CTNNA2: variants seen among roughly 807,000 people sequenced by gnomAD.
CTNNA2 encodes catenin alpha-2.
Under a neutral mutation model 101.0 loss-of-function variants are expected in CTNNA2, and 42 were observed. The observed-to-expected ratio is 0.42, with a 90% CI of 0.32 to 0.54. The LOEUF (loss-of-function observed/expected upper bound fraction) is 0.54. CTNNA2 is among the 20% of genes least tolerant of loss of function. CTNNA2 has a pLI of 0.14. For synonymous variants in CTNNA2, 450 were observed against 456.4 expected, an observed-to-expected ratio of 0.99 and a Z score of 0.18; for missense variants, 871 against 1,223.1, an observed-to-expected ratio of 0.71 and a Z score of 4.29.
intron 1 of CTNNA2, among the ~76,000 whole-genome samples, chr2:79,560,064 C>CTTTGTGCATT (rs768797247): frequency 6.7e-5 from 10 of 149,494 alleles, no homozygotes; most frequent in Non-Finnish European, 1.2e-4. Context: ...GCATTAGAAA[C>CTTTGTGCATT]AGAACAGGGA....
intron 9 of CTNNA2, among the ~76,000 whole-genome samples, chr2:80,529,835 G>A (rs776715556): frequency 6.6e-6 from 1 of 152,146 alleles, no homozygotes; most frequent in Non-Finnish European, 1.5e-5. Context: ...GATTCAGCGA[G>A]GGGGGTAAAA....
At chr2:79,656,423 C>T (rs941637856) in intron 2 of CTNNA2, among the ~76,000 whole-genome samples, 2 of 152,014 alleles carry the variant, frequency 1.3e-5, no homozygotes, top group Non-Finnish European at 2.9e-5. Context: ...ACAGTTTGCT[C>T]ATAGCTATCC....
intron 9 of CTNNA2, among the ~76,000 whole-genome samples, chr2:80,458,792 T>C (rs944326140): frequency 3.9e-5 from 6 of 152,150 alleles, no homozygotes; most frequent in Non-Finnish European, 7.3e-5. Context: ...ATTATTAACT[T>C]ATAGAGACTT....
At chr2:80,582,056 T>TGTTG (rs1695588879) in intron 14 of CTNNA2, among the ~76,000 whole-genome samples, 1 of 152,116 alleles carries the variant, frequency 6.6e-6, no homozygotes, top group Non-Finnish European at 1.5e-5. Flanking sequence ...AGCAACCACA[T>TGTTG]CACAGCAAGC....
At chr2:79,712,486 A>G (rs1685803568) in intron 2 of CTNNA2, among the ~76,000 whole-genome samples, 1 of 152,196 alleles carries the variant, frequency 6.6e-6, no homozygotes, top group African/African-American at 2.4e-5. Flanking sequence ...TAGCTGTAAC[A>G]TCCTACATCA....
chr2:80,434,890 C>T (rs936143237), intron 9 of CTNNA2, among the ~76,000 whole-genome samples: 2 of 152,086 alleles, frequency 1.3e-5, no homozygotes, highest in Non-Finnish European at 2.9e-5. Context: ...ACTGGCCCGG[C>T]CTCATTTCCT....
chr2:80,477,197 A>C (rs1559141560), intron 9 of CTNNA2, among the ~76,000 whole-genome samples: 2 of 152,210 alleles, frequency 1.3e-5, no homozygotes, highest in African/African-American at 4.8e-5. Flanking sequence ...GCACACATAC[A>C]TACACAGAAG....
At chr2:79,282,032 A>T (rs1421444381) in intron 2 of CTNNA2, among the ~76,000 whole-genome samples, 1 of 152,142 alleles carries the variant, frequency 6.6e-6, no homozygotes, top group Non-Finnish European at 1.5e-5. Flanking sequence ...GTTATCTTTT[A>T]TAGTGCTTTG....
At chr2:80,096,641 A>G (rs1700171324) in intron 7 of CTNNA2, among the ~76,000 whole-genome samples, 1 of 152,118 alleles carries the variant, frequency 6.6e-6, no homozygotes, top group Admixed American at 6.6e-5. Flanking sequence ...GTGGGAGTCT[A>G]AGTCTCTTTG....
intron 3 of CTNNA2, among the ~76,000 whole-genome samples, chr2:79,329,846 T>C (rs1676830918): frequency 6.6e-6 from 1 of 152,196 alleles, no homozygotes; most frequent in Admixed American, 6.5e-5. Flanking sequence ...TACTTGCTTT[T>C]CTTATCTACA....
intron 4 of CTNNA2, among the ~76,000 whole-genome samples, chr2:79,464,669 C>T (rs949194617): frequency 5.9e-5 from 9 of 152,034 alleles, no homozygotes; most frequent in African/African-American, 1.4e-4. Flanking sequence ...TTTTAATGAT[C>T]GCCATTCTAA....
At chr2:79,306,797 T>A (rs1401640467) in intron 2 of CTNNA2, among the ~76,000 whole-genome samples, 4 of 152,348 alleles carry the variant, frequency 2.6e-5, no homozygotes, top group African/African-American at 9.6e-5. Flanking sequence ...CATCTGACTT[T>A]AATTTTTGCC....
intron 7 of CTNNA2, among the ~76,000 whole-genome samples, chr2:80,065,875 A>G (rs1013121782): frequency 3.9e-5 from 6 of 152,226 alleles, no homozygotes; most frequent in African/African-American, 1.4e-4. Flanking sequence ...TAAAGAATGT[A>G]CACTCAGAGA....
intron 3 of CTNNA2, among the ~76,000 whole-genome samples, chr2:79,372,305 C>T (rs936382369): frequency 6.6e-6 from 1 of 152,150 alleles, no homozygotes; most frequent in Non-Finnish European, 1.5e-5. Context: ...CTTGATGTCA[C>T]TGCCCAGCAA....
Position 79,242,471 on chromosome 2 carries a change from G to A in CTNNA2, c.-406+44395G>A, listed in dbSNP as rs1446870341. Among the ~76,000 whole-genome samples, 3 of 151,982 alleles carry A rather than the reference G, an allele frequency of 2.0e-5. No homozygotes were observed. In the East Asian group the frequency reaches 5.8e-4, roughly 29 times the overall value. ...GGAGACTATTCCTTCTAACTTTGCG[G>A]TTTGTGTAACTCCACATACTCTCTG... On this transcript the variant is annotated intron_variant, in intron 2 of 21. Coordinates refer to the CTNNA2 transcript ENST00000466387.
At chr2:80,436,387 TG>T (rs1682028420) in intron 9 of CTNNA2, among the ~76,000 whole-genome samples, 1 of 150,098 alleles carries the variant, frequency 6.7e-6, no homozygotes. Context: ...TGTTCAAGTT[TG>T]TGAAGCTCTG....
chr2:79,269,616 T>C (rs974403100), intron 2 of CTNNA2, among the ~76,000 whole-genome samples: 2 of 152,172 alleles, frequency 1.3e-5, no homozygotes, highest in African/African-American at 4.8e-5. Flanking sequence ...TTTACCTCTT[T>C]CTTCACCTGG....
chr2:79,382,352 C>T (rs1253154918), intron 4 of CTNNA2, among the ~76,000 whole-genome samples: 2 of 152,004 alleles, frequency 1.3e-5, no homozygotes, highest in Non-Finnish European at 2.9e-5. Context: ...GTCACATGAG[C>T]CAATCTCTCA....
rs377289728 is a variant in CTNNA2, at chr2:80,073,120, G to C, written c.1056+163323G>C. Among the ~76,000 whole-genome samples the C allele has an allele frequency of 3.9e-4, 60 of 152,332 alleles. No individual in the cohort carries two copies. In the East Asian group the frequency reaches 9.5e-3, roughly 24 times the overall value. ...ACTGAAAATATTTGGAGAAATGTGG[G>C]TTTGTGGCATAAGGTTGCAGCCAGT... On this transcript the variant is annotated intron_variant, in intron 7 of 18. Transcript: ENST00000402739.
Sources: allele counts gnomAD v4.1 joint callset (sites outside exome capture counted in the v4.1 genomes callset), GRCh38; gene constraint gnomAD v4.1.1; transcripts MANE v1.5; gene names NCBI Gene and HGNC (gene_info 2026-07-23, HGNC 2026-07-21).